DHX9: variants seen among roughly 807,000 people sequenced by gnomAD.
DHX9 encodes ATP-dependent RNA helicase A.
DHX9 carries 27 observed loss-of-function variants against 148.7 expected under a neutral mutation model. The ratio of observed to expected loss-of-function variants is 0.18; its 90% CI spans 0.13 to 0.25. The LOEUF (loss-of-function observed/expected upper bound fraction) is 0.25, where lower values mean the gene tolerates loss of function less well. Ranked by LOEUF, DHX9 falls within the 10% of genes least tolerant of loss-of-function variation. The pLI is 1.00. For synonymous variants in DHX9, 529 were observed against 516.6 expected, an observed-to-expected ratio of 1.02 and a Z score of -0.33; for missense variants, 796 against 1,559.6, an observed-to-expected ratio of 0.51 and a Z score of 8.25.
chr1:182,855,700 C>T (rs1571303624), intron 6 of DHX9: 7 of 985,352 alleles, frequency 7.1e-6, no homozygotes, highest in South Asian at 4.7e-5. Context: ...CCCCTGAAGC[C>T]GCTGTGCCTG....
intron 14 of DHX9, among the ~76,000 whole-genome samples, chr1:182,868,534 T>TTTTTTTTTTTTTTTTTG (rs1648403826): frequency 1.3e-5 from 2 of 149,436 alleles, no homozygotes; most frequent in African/African-American, 5.1e-5. Flanking sequence ...TTTTTTTTTT[T>TTTTTTTTTTTTTTTTTG]GAGGAGTCTT....
chr1:182,855,326 G>C (rs993095774), intron 6 of DHX9, among the ~76,000 whole-genome samples: 1 of 152,122 alleles, frequency 6.6e-6, no homozygotes, highest in African/African-American at 2.4e-5. Context: ...GACATTTTTT[G>C]TTATCAGTAT....
chr1:182,884,335 A>G (rs74622071), intron 26 of DHX9, among the ~76,000 whole-genome samples: 2 of 152,080 alleles, frequency 1.3e-5, no homozygotes, highest in Non-Finnish European at 2.9e-5. Context: ...TATATATTGC[A>G]TATATTTTTA....
intron 7 of DHX9, among the ~76,000 whole-genome samples, chr1:182,857,046 T>C (rs1466301600): frequency 6.6e-6 from 1 of 152,174 alleles, no homozygotes; most frequent in African/African-American, 2.4e-5. Flanking sequence ...AGACGGGGTT[T>C]CACCATGTTA....
At chr1:182,842,829 A>G in intron 2 of DHX9, 152 bp downstream of exon 2, 1 of 570,228 alleles carries the variant, frequency 1.8e-6, no homozygotes, top group Non-Finnish European at 3.0e-6. Context: ...AATCATTTTC[A>G]AGTCAGCATT....
intron 12 of DHX9, among the ~76,000 whole-genome samples, chr1:182,863,357 T>G (rs1648074817): frequency 6.6e-6 from 1 of 152,182 alleles, no homozygotes; most frequent in African/African-American, 2.4e-5. Flanking sequence ...CAGGAAAAGA[T>G]TTTACTAGTA....
At chr1:182,863,360 T>C (rs1040277487) in intron 12 of DHX9, among the ~76,000 whole-genome samples, 3 of 152,204 alleles carry the variant, frequency 2.0e-5, no homozygotes, top group Non-Finnish European at 4.4e-5. Context: ...GAAAAGATTT[T>C]ACTAGTATTC....
intron 3 of DHX9, among the ~76,000 whole-genome samples, chr1:182,844,899 G>A (rs771780817): frequency 4.6e-5 from 7 of 151,850 alleles, no homozygotes; most frequent in Non-Finnish European, 1.0e-4. Context: ...CTGACCTCAA[G>A]TGATCCGCCC....
At chr1:182,856,715 T>G in intron 7 of DHX9, 137 bp downstream of exon 7, 1 of 646,510 alleles carries the variant, frequency 1.5e-6, no homozygotes, top group Non-Finnish European at 2.6e-6. Flanking sequence ...TAGGGTATAT[T>G]TTAGAATATT....
intron 3 of DHX9, among the ~76,000 whole-genome samples, 174 bp from the exon 4 acceptor site, chr1:182,852,059 C>T (rs747048572): frequency 2.0e-5 from 3 of 152,148 alleles, no homozygotes; most frequent in Non-Finnish European, 4.4e-5. Flanking sequence ...ACAACCAGTT[C>T]TTCATTGCAG....
intron 3 of DHX9, among the ~76,000 whole-genome samples, chr1:182,848,449 T>C (rs1668071538): frequency 6.6e-6 from 1 of 152,236 alleles, no homozygotes; most frequent in Non-Finnish European, 1.5e-5. Context: ...TGTTCCAACG[T>C]AATTTATTTT....
At chr1:182,875,339 C>T (rs1648711732) in intron 16 of DHX9, 1 of 382,314 alleles carries the variant, frequency 2.6e-6, no homozygotes, top group South Asian at 2.0e-5. Flanking sequence ...TCTACTGAGT[C>T]AGAATCTACA....
At chr1:182,842,050 C>A (rs1250968621) in intron 1 of DHX9, among the ~76,000 whole-genome samples, 1 of 152,122 alleles carries the variant, frequency 6.6e-6, no homozygotes, top group Non-Finnish European at 1.5e-5. Flanking sequence ...TGATAACTTT[C>A]TTAATATATA....
intron 2 of DHX9, among the ~76,000 whole-genome samples, chr1:182,842,994 A>T (rs541134002): frequency 6.6e-6 from 1 of 152,364 alleles, no homozygotes; most frequent in South Asian, 2.1e-4. Context: ...GATTGCTTCA[A>T]ATCAAAGTGC....
At chr1:182,852,143 G>A in intron 3 of DHX9, 90 bp from the exon 4 acceptor site, 1 of 706,580 alleles carries the variant, frequency 1.4e-6, no homozygotes, top group Non-Finnish European at 2.4e-6. Context: ...AAGGAGGTAT[G>A]ACACATGGGT....
intron 4 of DHX9, among the ~76,000 whole-genome samples, 193 bp from the exon 5 acceptor site, chr1:182,853,113 G>A (rs1171628343): frequency 6.6e-6 from 1 of 151,790 alleles, no homozygotes; most frequent in Non-Finnish European, 1.5e-5. Context: ...TTTTAGTAGA[G>A]ACGGGGTTTC....
At chr1:182,851,319 GAATTTAGATCTAAGTGAAAATTTT>G (rs1361069117) in intron 3 of DHX9, among the ~76,000 whole-genome samples, 1 of 152,170 alleles carries the variant, frequency 6.6e-6, no homozygotes, top group Admixed American at 6.5e-5. Flanking sequence ...TTGGAAATTT[GAATTTAGATCTAAGTGAAAATTTT>G]AAATTATGAT....
intron 20 of DHX9, 152 bp from the exon 21 acceptor site, chr1:182,879,098 G>A (rs1648963828): frequency 5.5e-6 from 3 of 545,758 alleles, no homozygotes; most frequent in South Asian, 1.1e-4. Context: ...TCAACAGTGT[G>A]TATAGTGAAC....
At chr1:182,872,589 A>T in intron 15 of DHX9, 96 bp downstream of exon 15, 1 of 1,293,980 alleles carries the variant, frequency 7.7e-7, no homozygotes, top group Non-Finnish European at 1.1e-6. Flanking sequence ...AAGAATACTT[A>T]AAATACAGGA....
Sources: allele counts gnomAD v4.1 joint callset (sites outside exome capture counted in the v4.1 genomes callset), GRCh38; gene constraint gnomAD v4.1.1; transcripts MANE v1.5; gene names NCBI Gene and HGNC (gene_info 2026-07-23, HGNC 2026-07-21).